The following ABTB3 variants were observed in gnomAD, a reference collection of about 807,000 sequenced individuals.
ABTB3 encodes ankyrin repeat and BTB domain containing 3.
the ABTB3 span, among the ~76,000 whole-genome samples, chr12:107,550,514 AAAC>A: frequency 7.9e-5 from 12 of 151,050 alleles, no homozygotes; most frequent in Admixed American, 1.3e-4. Context: ...AAAAAATGAA[AAAC>A]AACAACAACA....
At chr12:107,615,615 A>T in the ABTB3 span, among the ~76,000 whole-genome samples, 7 of 152,176 alleles carry the variant, frequency 4.6e-5, no homozygotes, top group Non-Finnish European at 8.8e-5. Context: ...TTTCCAAAAG[A>T]CACTTGCTTG....
At chr12:107,394,451 TG>T in the ABTB3 span, among the ~76,000 whole-genome samples, 1 of 152,190 alleles carries the variant, frequency 6.6e-6, no homozygotes, top group Non-Finnish European at 1.5e-5. Context: ...CTGGTAACAG[TG>T]GGTATGGCAT....
the ABTB3 span, among the ~76,000 whole-genome samples, chr12:107,553,451 A>G: frequency 2.0e-5 from 3 of 152,178 alleles, no homozygotes; most frequent in African/African-American, 4.8e-5. Flanking sequence ...ACAAATGTCA[A>G]ATGAGTGCTG....
the ABTB3 span, chr12:107,617,494 T>C: frequency 4.4e-6 from 7 of 1,592,984 alleles, no homozygotes; most frequent in Non-Finnish European, 6.0e-6. Flanking sequence ...AAAATGCAGA[T>C]TCCCAGGCCT....
the ABTB3 span, among the ~76,000 whole-genome samples, chr12:107,391,556 G>A: frequency 3.3e-5 from 5 of 152,184 alleles, no homozygotes; most frequent in African/African-American, 9.7e-5. Context: ...TCTACAGGTG[G>A]AGACCTCAAG....
chr12:107,469,759 T>G, the ABTB3 span, among the ~76,000 whole-genome samples: 2 of 152,132 alleles, frequency 1.3e-5, no homozygotes, highest in Non-Finnish European at 2.9e-5. Flanking sequence ...TTTGAAGAAG[T>G]GTCAATATTC....
the ABTB3 span, among the ~76,000 whole-genome samples, chr12:107,568,575 A>G: frequency 1.3e-5 from 2 of 152,196 alleles, no homozygotes; most frequent in African/African-American, 4.8e-5. Flanking sequence ...CACTAATAAC[A>G]TTTCGAATCT....
chr12:107,464,807 G>T, the ABTB3 span, among the ~76,000 whole-genome samples: 29,383 of 152,128 alleles, frequency 0.19, 2,911 homozygotes, highest in Middle Eastern at 0.2. Context: ...CCTCTCCCTT[G>T]CACCCAGGGG....
chr12:107,549,846 G>A, the ABTB3 span, among the ~76,000 whole-genome samples: 4 of 152,116 alleles, frequency 2.6e-5, no homozygotes, highest in East Asian at 1.9e-4. Context: ...ATTGACTCTC[G>A]TAACTAGCTG....
the ABTB3 span, chr12:107,581,024 A>T: frequency 6.4e-7 from 1 of 1,551,908 alleles, no homozygotes; most frequent in Non-Finnish European, 8.7e-7. Context: ...TCTCCAGGGA[A>T]AGCGGGGTGT....
the ABTB3 span, among the ~76,000 whole-genome samples, chr12:107,330,444 A>T: frequency 0.022 from 3,309 of 152,332 alleles, 47 homozygotes; most frequent in Middle Eastern, 0.058. Flanking sequence ...AAAGTTGCTA[A>T]GACAATAAGT....
At chr12:107,633,768 A>T in the ABTB3 span, among the ~76,000 whole-genome samples, 1 of 152,236 alleles carries the variant, frequency 6.6e-6, no homozygotes, top group Non-Finnish European at 1.5e-5. Context: ...ATTTCAGTGC[A>T]TGGAACCTGT....
At chr12:107,603,272 C>T in the ABTB3 span, among the ~76,000 whole-genome samples, 260 of 152,286 alleles carry the variant, frequency 1.7e-3, no homozygotes, top group African/African-American at 5.8e-3. Context: ...TCTGACAAAT[C>T]GGGTTGAACA....
At chr12:107,385,413 C>T in the ABTB3 span, among the ~76,000 whole-genome samples, 2 of 152,190 alleles carry the variant, frequency 1.3e-5, no homozygotes, top group Non-Finnish European at 2.9e-5. Context: ...TGCTGACTTA[C>T]ACACATTTGC....
At chr12:107,618,185 G>A in the ABTB3 span, 1 of 1,614,108 alleles carries the variant, frequency 6.2e-7, no homozygotes, top group Non-Finnish European at 8.5e-7. Context: ...TGCTCGCCCA[G>A]CCAGAGAAGG....
At chr12:107,356,765 C>A in the ABTB3 span, among the ~76,000 whole-genome samples, 1 of 152,338 alleles carries the variant, frequency 6.6e-6, no homozygotes, top group African/African-American at 2.4e-5. Flanking sequence ...AGAGACTGAG[C>A]AACAGTCAAG....
the ABTB3 span, among the ~76,000 whole-genome samples, chr12:107,389,679 T>C: frequency 6.6e-6 from 1 of 151,908 alleles, no homozygotes; most frequent in South Asian, 2.1e-4. Flanking sequence ...TTGACTGAGC[T>C]CAGCTGGATG....
chr12:107,459,910 G>A, the ABTB3 span, among the ~76,000 whole-genome samples: 1 of 152,208 alleles, frequency 6.6e-6, no homozygotes, highest in South Asian at 2.1e-4. Flanking sequence ...CAGAACCCCT[G>A]GCATTCATCT....
chr12:107,620,531 G>A, the ABTB3 span, among the ~76,000 whole-genome samples: 1 of 152,276 alleles, frequency 6.6e-6, no homozygotes, highest in Non-Finnish European at 1.5e-5. Context: ...TGGGAGTTCA[G>A]GAAGGAGGAA....
Sources: allele counts gnomAD v4.1 joint callset (sites outside exome capture counted in the v4.1 genomes callset), GRCh38; gene constraint gnomAD v4.1.1; transcripts MANE v1.5; gene names NCBI Gene and HGNC (gene_info 2026-07-23, HGNC 2026-07-21).